Variants in SCAPER observed in about 807,000 individuals in gnomAD.
SCAPER encodes S-phase cyclin A associated protein in the ER.
SCAPER carries 98 observed loss-of-function variants against 182.2 expected under a neutral mutation model. The ratio of observed to expected loss-of-function variants is 0.54; its 90% CI spans 0.46 to 0.64. The LOEUF (loss-of-function observed/expected upper bound fraction) is 0.64, where lower values mean the gene tolerates loss of function less well. Among genes scored for constraint, SCAPER ranks in the 30% least tolerant of loss-of-function variants. The pLI, the probability that SCAPER is intolerant of heterozygous loss-of-function variation, is 0.00. For synonymous variants in SCAPER, 605 were observed against 564.6 expected, an observed-to-expected ratio of 1.07 and a Z score of -1.01; for missense variants, 1,432 against 1,690.0, an observed-to-expected ratio of 0.85 and a Z score of 2.68.
intron 23 of SCAPER, among the ~76,000 whole-genome samples, chr15:76,530,580 T>C (rs972876419): frequency 3.3e-5 from 5 of 152,162 alleles, no homozygotes; most frequent in Non-Finnish European, 7.4e-5. Flanking sequence ...TGGTCACACT[T>C]AGGAGGGTCT....
At chr15:76,405,109 CTTT>C (rs35039615) in intron 26 of SCAPER, among the ~76,000 whole-genome samples, 3 of 112,414 alleles carry the variant, frequency 2.7e-5, no homozygotes, top group African/African-American at 6.9e-5. Context: ...ACAACTTACA[CTTT>C]TTTTTTTTTT....
chr15:76,516,898 C>G (rs1404929993), intron 23 of SCAPER, among the ~76,000 whole-genome samples: 1 of 152,176 alleles, frequency 6.6e-6, no homozygotes, highest in African/African-American at 2.4e-5. Context: ...GAGGGCTTAT[C>G]ATGTAACAGG....
chr15:76,904,687 T>G (rs2074967151), intron 1 of SCAPER: 1 of 152,358 alleles, frequency 6.6e-6, no homozygotes, highest in South Asian at 2.1e-4. Context: ...GGCAGGAGGC[T>G]GGGTCCCACT....
chr15:76,761,281 C>G (rs934139561), intron 14 of SCAPER, among the ~76,000 whole-genome samples: 6 of 152,030 alleles, frequency 3.9e-5, no homozygotes, highest in African/African-American at 1.4e-4. Context: ...TCCAACAAAC[C>G]ACCGTTTTGT....
intron 20 of SCAPER, among the ~76,000 whole-genome samples, chr15:76,694,993 TA>T (rs1159584312): frequency 1.3e-5 from 2 of 152,164 alleles, no homozygotes; most frequent in African/African-American, 4.8e-5. Context: ...AACGATTTAT[TA>T]TTTTTAAGAT....
chr15:76,771,398 G>C (rs2063464577), intron 10 of SCAPER, among the ~76,000 whole-genome samples: 1 of 152,046 alleles, frequency 6.6e-6, no homozygotes, highest in African/African-American at 2.4e-5. Flanking sequence ...AAGTCTAGCA[G>C]ACACCATTTC....
chr15:76,660,824 T>C (rs2146690073), intron 21 of SCAPER, among the ~76,000 whole-genome samples: 2 of 152,188 alleles, frequency 1.3e-5, no homozygotes, highest in South Asian at 4.1e-4. Context: ...TTAAAAATCT[T>C]ATAAATTTAC....
At chr15:76,523,320 G>A (rs189313866) in intron 23 of SCAPER, among the ~76,000 whole-genome samples, 59 of 152,120 alleles carry the variant, frequency 3.9e-4, no homozygotes, top group African/African-American at 1.3e-3. Context: ...ATGATACTAA[G>A]TTTGGATATG....
chr15:76,752,501 T>C (rs539164513), intron 15 of SCAPER, among the ~76,000 whole-genome samples: 4 of 151,748 alleles, frequency 2.6e-5, no homozygotes, highest in Non-Finnish European at 5.9e-5. Flanking sequence ...GAGGTATGAA[T>C]GGATAAGCAA....
chr15:76,483,653 C>T (rs962252885), intron 24 of SCAPER, among the ~76,000 whole-genome samples: 6 of 151,850 alleles, frequency 4.0e-5, no homozygotes, highest in African/African-American at 9.7e-5. Context: ...CAACTTAATA[C>T]GAAGACAAAA....
At chr15:76,813,393 G>A (rs923970898) in intron 5 of SCAPER, among the ~76,000 whole-genome samples, 9 of 151,782 alleles carry the variant, frequency 5.9e-5, no homozygotes, top group African/African-American at 2.2e-4. Flanking sequence ...CTAGTACCAG[G>A]CAAGGATGCC....
chr15:76,420,553 TAATAAA>T (rs1326695296), intron 26 of SCAPER, among the ~76,000 whole-genome samples: 2 of 152,116 alleles, frequency 1.3e-5, no homozygotes, highest in Non-Finnish European at 2.9e-5. Flanking sequence ...ACAATAGTAA[TAATAAA>T]AATAAGATAC....
chr15:76,818,173 G>T (rs1054921120), intron 5 of SCAPER, among the ~76,000 whole-genome samples: 1 of 152,164 alleles, frequency 6.6e-6, no homozygotes, highest in African/African-American at 2.4e-5. Flanking sequence ...TTTGACTAAC[G>T]TACAAAGCCA....
chr15:76,425,193 T>A (rs1045500049), intron 26 of SCAPER, among the ~76,000 whole-genome samples: 3 of 152,250 alleles, frequency 2.0e-5, no homozygotes, highest in Non-Finnish European at 2.9e-5. Flanking sequence ...TTCTCCTGGA[T>A]AATATCCTGC....
intron 25 of SCAPER, among the ~76,000 whole-genome samples, chr15:76,457,268 T>C (rs1477094779): frequency 6.6e-6 from 1 of 152,148 alleles, no homozygotes; most frequent in Non-Finnish European, 1.5e-5. Context: ...TTTCACTGTG[T>C]TAGCCAGGAT....
rs774083019 is a variant in SCAPER, at chr15:76,771,873, C to G, written c.1117G>C (p.Val373Leu). 5 of 1,613,022 alleles carry G rather than the reference C, an allele frequency of 3.1e-6. No individual in the cohort carries two copies. In the East Asian group the frequency reaches 1.1e-4, roughly 36 times the overall value. Residue 373 changes from valine (V) to leucine (L), a missense_variant, in exon 10 of 32, where the codon GTC becomes CTC. Val to Leu is a conservative substitution (Grantham distance 32). This residue lies in a region of SCAPER where 480 missense variants were observed against 510.2 expected (regional missense o/e 0.94). Coordinates refer to ENST00000563290, the MANE Select transcript of SCAPER (RefSeq NM_020843.4). ...NYVRTSEISAVHIDTECVSVM... is the reference protein window; with the variant it reads ...NYVRTSEISALHIDTECVSVM... ...GAAACACACTCTGTATCAATGTGGA[C>G]AGCAGATATTTCAGAAGTTCGAACA...
Position 76,785,471 on chromosome 15 carries a change from G to A in SCAPER, c.772+9809C>T, listed in dbSNP as rs28795530. 2.3e-3 allele frequency among the ~76,000 whole-genome samples: 349 copies of A among 152,284 alleles called. 1 individual carries two copies. The highest frequency in any genetic ancestry group is 7.2e-3 in the African/African-American group (298 of 41,556). ...CAACCACTGTGGAAGACAGTGTGGCGATTCCTCAAGAATCTAGAACTAGAA... is the reference window on the plus strand; with the variant it reads ...CAACCACTGTGGAAGACAGTGTGGCAATTCCTCAAGAATCTAGAACTAGAA... On this transcript the variant is annotated intron_variant, in intron 8 of 31. Transcript: ENST00000563290.
At chr15:76,807,037 A>G (rs972131358) in intron 5 of SCAPER, among the ~76,000 whole-genome samples, 1 of 151,994 alleles carries the variant, frequency 6.6e-6, no homozygotes, top group African/African-American at 2.4e-5. Context: ...TTCCATCTAG[A>G]TGTTTTCTAT....
At chr15:76,899,622 C>G (rs2074641935) in intron 1 of SCAPER, among the ~76,000 whole-genome samples, 1 of 152,156 alleles carries the variant, frequency 6.6e-6, no homozygotes, top group Non-Finnish European at 1.5e-5. Context: ...CCTGGCAGCC[C>G]ATCGTCTGGG....
Sources: gnomAD v4.1 joint callset for allele counts (sites outside exome capture counted in the v4.1 genomes callset) on GRCh38, gnomAD v4.1.1 for gene constraint, gnomAD v4.1.1 regional missense constraint, MANE v1.5 for transcripts, NCBI Gene and HGNC (gene_info 2026-07-23, HGNC 2026-07-21) for gene names.